Variants in AP2B1 observed in about 807,000 individuals in gnomAD.
AP2B1 encodes AP-2 complex subunit beta.
In AP2B1, 23 loss-of-function variants were observed where a neutral mutation model predicts 102.0. The observed-to-expected ratio is 0.23, with a 90% CI of 0.16 to 0.32. AP2B1 has a LOEUF of 0.32. AP2B1 is among the 10% of genes least tolerant of loss of function. AP2B1 has a pLI of 1.00. For synonymous variants in AP2B1, 381 were observed against 421.2 expected, an observed-to-expected ratio of 0.90 and a Z score of 1.17; for missense variants, 541 against 1,157.4, an observed-to-expected ratio of 0.47 and a Z score of 7.73.
intron 13 of AP2B1, among the ~76,000 whole-genome samples, chr17:35,653,842 C>T (rs1038820642): frequency 2.0e-5 from 3 of 152,124 alleles, no homozygotes; most frequent in East Asian, 3.9e-4. Context: ...CATGAGCCAC[C>T]GTGCCCAGCC....
At chr17:35,601,863 C>T (rs962591786) in intron 3 of AP2B1, among the ~76,000 whole-genome samples, 23 of 151,056 alleles carry the variant, frequency 1.5e-4, no homozygotes, top group African/African-American at 3.9e-4. Context: ...CTGCAACCCC[C>T]GACTCCCGGG....
At chr17:35,599,172 C>A (rs1314318530) in intron 3 of AP2B1, among the ~76,000 whole-genome samples, 1 of 152,230 alleles carries the variant, frequency 6.6e-6, no homozygotes, top group East Asian at 1.9e-4. Context: ...TAAATCTCTT[C>A]TGCTGCGTAG....
intron 5 of AP2B1, among the ~76,000 whole-genome samples, chr17:35,613,118 A>G (rs2073915657): frequency 1.3e-5 from 2 of 150,870 alleles, no homozygotes; most frequent in South Asian, 4.2e-4. Flanking sequence ...TTCAGAGGCT[A>G]CTCCACATGG....
intron 8 of AP2B1, 47 bp from the exon 9 acceptor site, chr17:35,627,584 T>A (rs1354994095): frequency 1.9e-6 from 3 of 1,612,862 alleles, no homozygotes; most frequent in Non-Finnish European, 2.5e-6. Context: ...GCTGTGAGAT[T>A]GCTATTTGAG....
At chr17:35,723,100 G>A (rs1469197158) in intron 21 of AP2B1, among the ~76,000 whole-genome samples, 2 of 152,124 alleles carry the variant, frequency 1.3e-5, no homozygotes, top group African/African-American at 2.4e-5. Context: ...TCCCTCTTAG[G>A]GGTGTATACT....
intron 5 of AP2B1, among the ~76,000 whole-genome samples, chr17:35,620,767 T>C (rs183030036): frequency 6.6e-6 from 1 of 152,284 alleles, no homozygotes; most frequent in East Asian, 1.9e-4. Context: ...CAGTGAGCTG[T>C]GATCAGTGCG....
chr17:35,702,701 G>A (rs981685515), intron 18 of AP2B1, among the ~76,000 whole-genome samples: 2 of 152,150 alleles, frequency 1.3e-5, no homozygotes, highest in Admixed American at 1.3e-4. Context: ...CTAGTGGAGA[G>A]GCAGAGAGAC....
intron 14 of AP2B1, among the ~76,000 whole-genome samples, chr17:35,658,784 CA>C (rs2075293522): frequency 1.3e-5 from 2 of 152,308 alleles, no homozygotes; most frequent in Admixed American, 1.3e-4. Context: ...CATATACTGG[CA>C]TCTTCTCTTC....
intron 18 of AP2B1, among the ~76,000 whole-genome samples, chr17:35,691,313 G>A (rs2076036679): frequency 6.6e-6 from 1 of 152,310 alleles, no homozygotes; most frequent in South Asian, 2.1e-4. Flanking sequence ...CAGCCTGTGA[G>A]ACAGTCAGTT....
At chr17:35,688,728 C>T (rs913992385) in intron 18 of AP2B1, among the ~76,000 whole-genome samples, 2 of 152,150 alleles carry the variant, frequency 1.3e-5, no homozygotes, top group East Asian at 3.9e-4. Flanking sequence ...CTTTGGGAGG[C>T]CAAGGAGGGC....
chr17:35,689,630 AC>A (rs1231223102), intron 18 of AP2B1, among the ~76,000 whole-genome samples: 1 of 152,170 alleles, frequency 6.6e-6, no homozygotes, highest in Non-Finnish European at 1.5e-5. Context: ...AGTAAAGTGC[AC>A]ATATTATGGT....
intron 17 of AP2B1, among the ~76,000 whole-genome samples, chr17:35,674,561 T>C (rs987632919): frequency 8.5e-5 from 13 of 152,078 alleles, no homozygotes; most frequent in Non-Finnish European, 1.9e-4. Context: ...AAAAATGAGC[T>C]GAGCATGGTG....
At position 35,688,441 on chromosome 17, in the gene AP2B1, ACT is replaced by A. The variant is rs977378191; in HGVS notation, c.2454+5620_2454+5621del. Reference sequence around the variant, plus strand: ...AATTTCAGTGATGTGCCTCATTGTGACTCTGTCTTTTCACCCATCATGCTGGG... The same window carrying A: ...AATTTCAGTGATGTGCCTCATTGTGACTGTCTTTTCACCCATCATGCTGGG... On this transcript the variant is annotated intron_variant, in intron 18 of 21. Transcript: ENST00000610402. Among the ~76,000 whole-genome samples, 411 of 151,504 alleles carry A rather than the reference ACT, an allele frequency of 2.7e-3. 1 individual carries two copies. Among genetic ancestry groups the A allele is most frequent in the African/African-American group, 8.9e-3 (369 of 41,258 alleles).
chr17:35,597,834 T>A (rs866353643), intron 2 of AP2B1, among the ~76,000 whole-genome samples: 1 of 152,292 alleles, frequency 6.6e-6, no homozygotes, highest in South Asian at 2.1e-4. Context: ...AAGCCGAGCG[T>A]GGGTAAATGA....
chr17:35,721,104 G>A (rs1370535652), intron 21 of AP2B1, among the ~76,000 whole-genome samples: 1 of 151,418 alleles, frequency 6.6e-6, no homozygotes, highest in Non-Finnish European at 1.5e-5. Flanking sequence ...TGGTCCCTTA[G>A]TCTCCTAAGA....
chr17:35,663,328 C>T (rs898157245), intron 14 of AP2B1, among the ~76,000 whole-genome samples: 34 of 152,074 alleles, frequency 2.2e-4, no homozygotes, highest in Non-Finnish European at 1.3e-4. Flanking sequence ...AGTTCTAGTC[C>T]CTGTGCTAGA....
At chr17:35,678,026 AT>A (rs2075739591) in intron 17 of AP2B1, among the ~76,000 whole-genome samples, 1 of 151,902 alleles carries the variant, frequency 6.6e-6, no homozygotes, top group East Asian at 1.9e-4. Context: ...TGCCCAGCTA[AT>A]TTTTGTGTAT....
chr17:35,598,158 A>G (rs1426008594), intron 2 of AP2B1, 72 bp from the exon 3 acceptor site: 1 of 711,126 alleles, frequency 1.4e-6, no homozygotes, highest in South Asian at 2.8e-5. Context: ...GGTATTGGTT[A>G]TTACATAGTG....
chr17:35,607,097 G>A (rs2073705187), intron 4 of AP2B1, among the ~76,000 whole-genome samples: 1 of 152,042 alleles, frequency 6.6e-6, no homozygotes, highest in Non-Finnish European at 1.5e-5. Context: ...TAGAGATGGG[G>A]TTTCACCATA....
Sources: gnomAD v4.1 joint callset for allele counts (sites outside exome capture counted in the v4.1 genomes callset) on GRCh38, gnomAD v4.1.1 for gene constraint, MANE v1.5 for transcripts, NCBI Gene and HGNC (gene_info 2026-07-23, HGNC 2026-07-21) for gene names.